Variants in SCIMP observed in about 807,000 individuals in gnomAD.
SCIMP encodes SLP adaptor and CSK interacting membrane protein.
Under a neutral mutation model 22.0 loss-of-function variants are expected in SCIMP, and 18 were observed. The observed-to-expected ratio is 0.82, with a 90% CI of 0.56 to 1.21. SCIMP has a LOEUF of 1.21. Ranked by LOEUF, SCIMP falls within the 50% of genes most tolerant of loss-of-function variation. The pLI, the probability that SCIMP is intolerant of heterozygous loss-of-function variation, is 0.00. For missense variants in SCIMP, 155 were observed against 171.2 expected (o/e 0.91, Z 0.53); for synonymous variants, 53 against 62.2 (o/e 0.85, Z 0.70).
intron 2 of SCIMP, among the ~76,000 whole-genome samples, chr17:5,222,727 C>T (rs563171502): frequency 1.3e-5 from 2 of 151,964 alleles, no homozygotes; most frequent in East Asian, 1.9e-4. Context: ...TGCAGTGGCA[C>T]GATCTCGGCT....
intron 2 of SCIMP, among the ~76,000 whole-genome samples, chr17:5,222,193 C>T (rs1437583788): frequency 1.3e-5 from 2 of 151,044 alleles, no homozygotes; most frequent in Non-Finnish European, 3.0e-5. Flanking sequence ...AGGTTCACAC[C>T]ATTCTCCTGC....
intron 1 of SCIMP, among the ~76,000 whole-genome samples, chr17:5,225,854 C>T (rs1414110545): frequency 3.3e-5 from 5 of 151,606 alleles, no homozygotes. Context: ...CCCGGACTTG[C>T]GACTGACGTC....
intron 3 of SCIMP, 88 bp downstream of exon 3, chr17:5,221,199 T>C (rs2074604606): frequency 1.1e-6 from 1 of 948,056 alleles, no homozygotes; most frequent in Non-Finnish European, 1.7e-6. Context: ...GATGTCTCAG[T>C]CATACTGGTA....
intron 1 of SCIMP, among the ~76,000 whole-genome samples, chr17:5,224,033 AC>A (rs1185388353): frequency 2.6e-5 from 4 of 152,246 alleles, no homozygotes; most frequent in African/African-American, 9.6e-5. Flanking sequence ...TGGAGATCGA[AC>A]ATGTACCTAC....
At chr17:5,216,059 A>G (rs987897154) in intron 3 of SCIMP, among the ~76,000 whole-genome samples, 1 of 151,992 alleles carries the variant, frequency 6.6e-6, no homozygotes, top group South Asian at 2.1e-4. Context: ...CATAATTAGC[A>G]GGTTGTGGTG....
intron 1 of SCIMP, among the ~76,000 whole-genome samples, chr17:5,229,218 T>C (rs184900348): frequency 3.3e-5 from 5 of 152,078 alleles, no homozygotes; most frequent in African/African-American, 1.2e-4. Context: ...TGGAAAGGAT[T>C]TGGCAAGACC....
chr17:5,223,256 C>G, intron 2 of SCIMP, 77 bp downstream of exon 2: 1 of 1,507,238 alleles, frequency 6.6e-7, no homozygotes, highest in South Asian at 1.2e-5. Context: ...GATTGATTTG[C>G]TTGCCCTAAA....
chr17:5,230,573 C>A (rs2074685968), intron 1 of SCIMP, among the ~76,000 whole-genome samples: 1 of 152,248 alleles, frequency 6.6e-6, no homozygotes, highest in African/African-American at 2.4e-5. Flanking sequence ...ATTAGGCCTG[C>A]AGAACTTAAC....
At chr17:5,232,378 A>ATAAACAGTGCAGCG in intron 1 of SCIMP, among the ~76,000 whole-genome samples, 1 of 138,670 alleles carries the variant, frequency 7.2e-6, no homozygotes, top group Admixed American at 7.3e-5. Context: ...ACAGTGCAGT[A>ATAAACAGTGCAGCG]TAAACAGTGC....
At chr17:5,219,268 G>A (rs989901450) in intron 3 of SCIMP, among the ~76,000 whole-genome samples, 2 of 151,628 alleles carry the variant, frequency 1.3e-5, no homozygotes, top group African/African-American at 2.4e-5. Context: ...GTGGTGAGCC[G>A]AGATCGCGCT....
chr17:5,227,401 T>C (rs1274313568), intron 1 of SCIMP, among the ~76,000 whole-genome samples: 1 of 151,724 alleles, frequency 6.6e-6, no homozygotes, highest in African/African-American at 2.4e-5. Flanking sequence ...CCTCAGCTAC[T>C]CAGGGGGTTT....
intron 2 of SCIMP, 131 bp from the exon 3 acceptor site, chr17:5,221,481 T>C (rs2074607474): frequency 2.8e-6 from 2 of 707,596 alleles, no homozygotes; most frequent in South Asian, 1.6e-5. Context: ...CCAGACAGTC[T>C]AACCACAGAG....
At chr17:5,213,031 TGACA>T in intron 4 of SCIMP, 1 of 643,122 alleles carries the variant, frequency 1.6e-6, no homozygotes, top group Non-Finnish European at 1.9e-6. Context: ...ACTTCTGAGC[TGACA>T]TCTGAAGGAT....
chr17:5,211,789 G>A (rs2074527522), intron 4 of SCIMP, among the ~76,000 whole-genome samples: 1 of 152,166 alleles, frequency 6.6e-6, no homozygotes, highest in Admixed American at 6.6e-5. Context: ...GGGGCGCGGT[G>A]GCTTATGCCT....
At chr17:5,215,262 C>A in intron 3 of SCIMP, 1 of 358,248 alleles carries the variant, frequency 2.8e-6, no homozygotes, top group Non-Finnish European at 5.1e-6. Flanking sequence ...TGGAGCACAC[C>A]TTCCTGGTTC....
chr17:5,217,518 C>T (rs1023008766), intron 3 of SCIMP, among the ~76,000 whole-genome samples: 8 of 151,218 alleles, frequency 5.3e-5, no homozygotes, highest in African/African-American at 1.9e-4. Flanking sequence ...CCCATTAACT[C>T]GTCATTTAGC....
chr17:5,215,992 G>T (rs1341148989), intron 3 of SCIMP, among the ~76,000 whole-genome samples: 1 of 151,706 alleles, frequency 6.6e-6, no homozygotes, highest in Non-Finnish European at 1.5e-5. Context: ...GGGTTTAAGG[G>T]TAATATAGGG....
At chr17:5,230,411 G>A (rs1171539120) in intron 1 of SCIMP, among the ~76,000 whole-genome samples, 1 of 152,198 alleles carries the variant, frequency 6.6e-6, no homozygotes, top group Non-Finnish European at 1.5e-5. Context: ...AATGAAGTTT[G>A]CTGGTAGGAA....
In SCIMP at chr17:5,234,818, G is replaced by A. The variant is rs1484457509; in HGVS notation, c.-63C>T. ...TGCAGCTCAGGCACAGCTGGTGAGA[G>A]GCATTCCTCACTCACAGGCCTTCAC... On this transcript the variant is annotated 5_prime_UTR_variant, in exon 1 of 5. Transcript: ENST00000574081. 10 of 1,577,732 alleles carry A rather than the reference G, an allele frequency of 6.3e-6. No individual in the cohort carries two copies. In the East Asian group the frequency reaches 1.6e-4, roughly 25 times the overall value.
Sources: gnomAD v4.1 joint callset for allele counts (sites outside exome capture counted in the v4.1 genomes callset) on GRCh38, gnomAD v4.1.1 for gene constraint, MANE v1.5 for transcripts, NCBI Gene and HGNC (gene_info 2026-07-23, HGNC 2026-07-21) for gene names.